Variants in TOX observed in about 807,000 individuals in gnomAD.
TOX encodes thymocyte selection-associated high mobility group box protein TOX.
Under a neutral mutation model 53.7 loss-of-function variants are expected in TOX, and 11 were observed. The observed-to-expected ratio is 0.20, with a 90% CI of 0.13 to 0.34. TOX has a LOEUF of 0.34. TOX is among the 10% of genes least tolerant of loss of function. The pLI is 1.00. For synonymous variants in TOX, 225 were observed against 245.3 expected (o/e 0.92, Z 0.77); for missense variants, 570 against 664.6 (o/e 0.86, Z 1.56).
In TOX at chr8:58,824,796, T is replaced by C. The variant is rs372690716; in HGVS notation, c.1005+2026A>G. ...AAGGATTTCCCTGTTCTCCACAGCA[T>C]TCTCTGAGCCTGGCATAGTGCTTGG... On this transcript the variant is annotated intron_variant, in intron 6 of 8. Coordinates refer to ENST00000361421, the MANE Select transcript of TOX (RefSeq NM_014729.3). Among the ~76,000 whole-genome samples the C allele has an allele frequency of 5.3e-5, 8 of 152,316 alleles. No individual in the cohort carries two copies. The South Asian group carries it at 1.0e-3, about 20-fold the overall frequency.
chr8:58,973,791 T>C (rs548782838), intron 1 of TOX, among the ~76,000 whole-genome samples: 19 of 152,218 alleles, frequency 1.2e-4, no homozygotes, highest in African/African-American at 4.6e-4. Flanking sequence ...ACATTTTCTA[T>C]AGAAGTGGTT....
At chr8:58,832,816 G>T (rs1283179700) in intron 5 of TOX, among the ~76,000 whole-genome samples, 1 of 152,176 alleles carries the variant, frequency 6.6e-6, no homozygotes, top group Non-Finnish European at 1.5e-5. Context: ...ATTTCACGAG[G>T]CGTCAAACAT....
intron 1 of TOX, among the ~76,000 whole-genome samples, chr8:59,093,002 G>A (rs1804652348): frequency 1.3e-5 from 2 of 151,922 alleles, no homozygotes; most frequent in Non-Finnish European, 2.9e-5. Context: ...GTGGCAAGGG[G>A]GATCCCAACA....
At chr8:58,837,936 T>A (rs1468731295) in intron 5 of TOX, 145 bp downstream of exon 5, 2 of 658,678 alleles carry the variant, frequency 3.0e-6, no homozygotes, top group African/African-American at 1.8e-5. Context: ...TATGTGAACG[T>A]CTCAGAAAGT....
intron 3 of TOX, among the ~76,000 whole-genome samples, chr8:58,901,960 G>T (rs1232537524): frequency 6.6e-6 from 1 of 152,140 alleles, no homozygotes; most frequent in African/African-American, 2.4e-5. Flanking sequence ...CTTCCACATT[G>T]TTGTCCAATG....
At position 59,118,211 on chromosome 8, in the gene TOX, C is replaced by T. The variant is rs554952514; in HGVS notation, c.102+675G>A. Among the ~76,000 whole-genome samples the T allele has an allele frequency of 5.6e-4, 85 of 152,350 alleles. No homozygotes were observed. The highest frequency in any genetic ancestry group is 1.0e-3 in the Non-Finnish European group (71 of 68,038). On this transcript the variant is annotated intron_variant, in intron 1 of 8. Transcript: ENST00000361421. This position sits in a 1 kb window ranked among gnomAD's most constrained non-coding sequence, Gnocchi z 4.1. ...GAACGCGACGTGCTCGCCCGGCTCC[C>T]AACAAACTTGCAATTTCCGCGCGCA...
chr8:58,887,734 T>C (rs1289831494), intron 3 of TOX, among the ~76,000 whole-genome samples: 2 of 152,206 alleles, frequency 1.3e-5, no homozygotes, highest in Admixed American at 1.3e-4. Context: ...AAGGTCTTTC[T>C]TCTGCCTTTC....
At chr8:58,925,750 A>G (rs1563391068) in intron 3 of TOX, among the ~76,000 whole-genome samples, 1 of 152,140 alleles carries the variant, frequency 6.6e-6, no homozygotes, top group Admixed American at 6.5e-5. Flanking sequence ...ACCAATAAAA[A>G]ATACCCCTGG....
At chr8:59,087,020 T>A (rs1451310210) in intron 1 of TOX, among the ~76,000 whole-genome samples, 1 of 152,220 alleles carries the variant, frequency 6.6e-6, no homozygotes, top group Non-Finnish European at 1.5e-5. Flanking sequence ...GTTACAAAGA[T>A]CAACTAAACA....
At chr8:58,865,034 A>G (rs555134770) in intron 3 of TOX, among the ~76,000 whole-genome samples, 1 of 152,278 alleles carries the variant, frequency 6.6e-6, no homozygotes, top group South Asian at 2.1e-4. Context: ...GTTTTAGATG[A>G]AGACAACTTT....
intron 4 of TOX, among the ~76,000 whole-genome samples, chr8:58,838,699 CTTTTTT>C (rs35347981): frequency 3.4e-5 from 3 of 88,874 alleles, no homozygotes; most frequent in South Asian, 3.9e-4. Flanking sequence ...TTATCCTTGT[CTTTTTT>C]TTTTTTTTTT....
At chr8:58,984,514 C>A (rs1183721922) in intron 1 of TOX, among the ~76,000 whole-genome samples, 2 of 152,094 alleles carry the variant, frequency 1.3e-5, no homozygotes, top group South Asian at 4.1e-4. Context: ...CTAAAAAGGA[C>A]GGGCGCGGTG....
At chr8:58,846,250 A>G (rs907628992) in intron 4 of TOX, among the ~76,000 whole-genome samples, 3 of 152,102 alleles carry the variant, frequency 2.0e-5, no homozygotes, top group Non-Finnish European at 4.4e-5. Flanking sequence ...AATAAGGGTC[A>G]TACATTAGTT....
intron 1 of TOX, among the ~76,000 whole-genome samples, chr8:59,038,550 C>T (rs1255751369): frequency 6.6e-6 from 1 of 152,176 alleles, no homozygotes; most frequent in Non-Finnish European, 1.5e-5. Context: ...ATACTACTTA[C>T]TTTTCCTCAT....
intron 1 of TOX, among the ~76,000 whole-genome samples, chr8:59,080,105 C>G (rs1474025740): frequency 6.6e-6 from 1 of 151,902 alleles, no homozygotes; most frequent in African/African-American, 2.4e-5. Flanking sequence ...GCCTCAGCCT[C>G]CTGAGTAGCT....
chr8:58,901,476 C>G (rs549789884), intron 3 of TOX, among the ~76,000 whole-genome samples: 1 of 152,262 alleles, frequency 6.6e-6, no homozygotes, highest in South Asian at 2.1e-4. Context: ...TGAAATCTTT[C>G]ATTATGCATG....
intron 3 of TOX, among the ~76,000 whole-genome samples, chr8:58,896,205 T>G (rs778144248): frequency 6.6e-6 from 1 of 151,908 alleles, no homozygotes; most frequent in South Asian, 2.1e-4. Flanking sequence ...CCAGCCCACA[T>G]GGAGGTTCAA....
intron 5 of TOX, among the ~76,000 whole-genome samples, chr8:58,835,368 A>G (rs1563365649): frequency 6.6e-6 from 1 of 152,232 alleles, no homozygotes; most frequent in African/African-American, 2.4e-5. Flanking sequence ...TAGGGAGACC[A>G]GCCTCGATTC....
At chr8:59,013,656 G>T (rs1324336931) in intron 1 of TOX, among the ~76,000 whole-genome samples, 1 of 152,112 alleles carries the variant, frequency 6.6e-6, no homozygotes, top group Admixed American at 6.5e-5. Context: ...TGATCCGCCC[G>T]CTCCGGCCTC....
Sources: gnomAD v4.1 joint callset for allele counts (sites outside exome capture counted in the v4.1 genomes callset) on GRCh38, gnomAD v4.1.1 for gene constraint, Gnocchi (gnomAD v3.1) non-coding constraint, MANE v1.5 for transcripts, NCBI Gene and HGNC (gene_info 2026-07-23, HGNC 2026-07-21) for gene names.